CHST9: variants seen among roughly 807,000 people sequenced by gnomAD.
CHST9 encodes the protein carbohydrate sulfotransferase 9.
A neutral mutation model predicts 44.4 loss-of-function variants in CHST9; 41 were observed. The observed-to-expected ratio is 0.92, with a 90% CI of 0.72 to 1.20. CHST9 has a LOEUF of 1.20. CHST9 is among the 50% of genes most tolerant of loss of function. The pLI is 0.00. For synonymous variants in CHST9, 171 were observed against 178.4 expected, an observed-to-expected ratio of 0.96 and a Z score of 0.33; for missense variants, 504 against 516.5, an observed-to-expected ratio of 0.98 and a Z score of 0.23.
At chr18:27,024,908 C>A (rs996063498) in intron 3 of CHST9, among the ~76,000 whole-genome samples, 1 of 152,000 alleles carries the variant, frequency 6.6e-6, no homozygotes, top group East Asian at 1.9e-4. Flanking sequence ...TAGTATATTT[C>A]TTCTGGCCTA....
chr18:26,949,432 C>A (rs2056213057), intron 4 of CHST9, among the ~76,000 whole-genome samples: 1 of 151,700 alleles, frequency 6.6e-6, no homozygotes, highest in Non-Finnish European at 1.5e-5. Context: ...GTAGTCCCAG[C>A]TACTCAAGAG....
chr18:27,015,323 T>TTGTGTGTGTGTGTGTGTG (rs10690815), intron 4 of CHST9, among the ~76,000 whole-genome samples: 4 of 146,452 alleles, frequency 2.7e-5, no homozygotes, highest in African/African-American at 1.0e-4. Flanking sequence ...AGAGAGGCAG[T>TTGTGTGTGTGTGTGTGTG]TGTGTGTGTG....
chr18:26,998,588 T>C (rs2056912450), intron 4 of CHST9, among the ~76,000 whole-genome samples: 1 of 151,570 alleles, frequency 6.6e-6, no homozygotes, highest in African/African-American at 2.4e-5. Flanking sequence ...TAGCTGGGTG[T>C]GGTGGTGTGT....
At chr18:27,125,999 T>C (rs1274610151) in intron 2 of CHST9, among the ~76,000 whole-genome samples, 1 of 152,192 alleles carries the variant, frequency 6.6e-6, no homozygotes, top group Non-Finnish European at 1.5e-5. Context: ...TTGTATTTAT[T>C]ACAGAAAAAA....
intron 2 of CHST9, among the ~76,000 whole-genome samples, chr18:27,133,636 A>AT (rs1036158842): frequency 6.6e-6 from 1 of 152,222 alleles, no homozygotes; most frequent in African/African-American, 2.4e-5. Flanking sequence ...TGCAGAGCAT[A>AT]TGTAAGCAAA....
At chr18:26,967,765 A>G (rs1453487891) in intron 4 of CHST9, among the ~76,000 whole-genome samples, 1 of 152,194 alleles carries the variant, frequency 6.6e-6, no homozygotes, top group Non-Finnish European at 1.5e-5. Flanking sequence ...GGAGATTAAC[A>G]TTTGAATCAG....
intron 4 of CHST9, among the ~76,000 whole-genome samples, chr18:27,006,440 T>C: frequency 6.6e-6 from 1 of 152,206 alleles, no homozygotes; most frequent in Non-Finnish European, 1.5e-5. Flanking sequence ...GAACTGAATC[T>C]ATAATAGTTT....
chr18:27,031,029 G>C (rs560138396), intron 3 of CHST9, among the ~76,000 whole-genome samples: 1 of 152,242 alleles, frequency 6.6e-6, no homozygotes, highest in Non-Finnish European at 1.5e-5. Flanking sequence ...GTTCTCATAT[G>C]TGTTACTTCA....
chr18:26,927,977 T>C (rs955969540), intron 5 of CHST9, among the ~76,000 whole-genome samples: 2 of 141,868 alleles, frequency 1.4e-5, no homozygotes, highest in African/African-American at 5.1e-5. Context: ...TACTTGAGAT[T>C]AGGGAGTGGT....
At chr18:27,162,097 AG>A (rs1288147671) in intron 1 of CHST9, among the ~76,000 whole-genome samples, 1 of 152,228 alleles carries the variant, frequency 6.6e-6, no homozygotes, top group African/African-American at 2.4e-5. Flanking sequence ...TGGAGCATTT[AG>A]CCCATTTACA....
At chr18:27,176,477 G>T (rs2058869221) in intron 1 of CHST9, among the ~76,000 whole-genome samples, 1 of 151,972 alleles carries the variant, frequency 6.6e-6, no homozygotes. Flanking sequence ...GGAATTGAAG[G>T]AGAAGTAATG....
At chr18:27,053,262 G>GAAGAAGAAGAAGAAGAAGAAGAAGAAGA (rs772678534) in intron 2 of CHST9, among the ~76,000 whole-genome samples, 2 of 45,762 alleles carry the variant, frequency 4.4e-5, no homozygotes, top group African/African-American at 1.5e-4. Context: ...GAAGAAGAAG[G>GAAGAAGAAGAAGAAGAAGAAGAAGAAGA]AGAAGGAGAA....
intron 2 of CHST9, among the ~76,000 whole-genome samples, chr18:27,109,054 G>T (rs1025604655): frequency 6.6e-6 from 1 of 152,156 alleles, no homozygotes; most frequent in Non-Finnish European, 1.5e-5. Flanking sequence ...AGGCAGTAAG[G>T]GATAATTGTA....
chr18:27,028,681 G>A (rs891014938), intron 3 of CHST9, among the ~76,000 whole-genome samples: 1 of 152,026 alleles, frequency 6.6e-6, no homozygotes, highest in African/African-American at 2.4e-5. Flanking sequence ...CTGAGTAGCT[G>A]GGACTACAGG....
chr18:27,059,905 A>G (rs2057701510), intron 2 of CHST9, among the ~76,000 whole-genome samples: 1 of 152,238 alleles, frequency 6.6e-6, no homozygotes, highest in African/African-American at 2.4e-5. Flanking sequence ...TAGAAGGAAG[A>G]AAACATGAAA....
At chr18:26,945,818 G>A (rs1392357598) in intron 4 of CHST9, among the ~76,000 whole-genome samples, 1 of 152,134 alleles carries the variant, frequency 6.6e-6, no homozygotes, top group Non-Finnish European at 1.5e-5. Context: ...ATAGTTGTAG[G>A]CTTAATTGTT....
At chr18:26,924,244 CTT>C (rs2055720348) in intron 5 of CHST9, among the ~76,000 whole-genome samples, 1 of 152,060 alleles carries the variant, frequency 6.6e-6, no homozygotes, top group Non-Finnish European at 1.5e-5. Context: ...TTGAGACAAA[CTT>C]AGGAAACTGC....
chr18:27,164,757 CAA>C (rs1445807758), intron 1 of CHST9, among the ~76,000 whole-genome samples: 1 of 152,162 alleles, frequency 6.6e-6, no homozygotes, highest in Non-Finnish European at 1.5e-5. Flanking sequence ...GATCAAGAAT[CAA>C]AATTGTGTTA....
At chr18:27,119,331 A>G (rs1220670654) in intron 2 of CHST9, among the ~76,000 whole-genome samples, 1 of 152,164 alleles carries the variant, frequency 6.6e-6, no homozygotes, top group Non-Finnish European at 1.5e-5. Flanking sequence ...TGTAACATTC[A>G]TTGGGCTTTT....
Sources: allele counts gnomAD v4.1 joint callset (sites outside exome capture counted in the v4.1 genomes callset), GRCh38; gene constraint gnomAD v4.1.1; transcripts MANE v1.5; gene names NCBI Gene and HGNC (gene_info 2026-07-23, HGNC 2026-07-21).